CAMK1D: variants seen among roughly 807,000 people sequenced by gnomAD.
CAMK1D encodes calcium/calmodulin dependent protein kinase ID.
Under a neutral mutation model 47.7 loss-of-function variants are expected in CAMK1D, and 9 were observed. That is an observed-to-expected ratio of 0.19 (90% CI 0.11 to 0.33). The LOEUF (loss-of-function observed/expected upper bound fraction) is 0.33. Ranked by LOEUF, CAMK1D falls within the 10% of genes least tolerant of loss-of-function variation. The pLI is 1.00. For missense variants in CAMK1D, 291 were observed against 488.7 expected (o/e 0.60, Z 3.81); for synonymous variants, 184 against 184.9 (o/e 0.99, Z 0.04).
rs1837051491 is a variant in CAMK1D at position 12,564,159 on chromosome 10, C to CTCTCTCTCTCTCTCTCTCTCTCTGTCTG, written c.224+10825_224+10826insTGTCTGTCTCTCTCTCTCTCTCTCTCTC. ...TCTCTCTCTCTCTGTCTCTCTCTCTCTCTCTCTCTCTCTCTCTCTCTCATA... is the reference window on the plus strand; with the variant it reads ...TCTCTCTCTCTCTGTCTCTCTCTCTCTCTCTCTCTCTCTCTCTCTCTCTGTCTGTCTCTCTCTCTCTCTCTCTCTCATA... On this transcript the variant is annotated intron_variant, in intron 2 of 10. Transcript: ENST00000619168. Among the ~76,000 whole-genome samples, 5 of 106,828 alleles carry CTCTCTCTCTCTCTCTCTCTCTCTGTCTG rather than the reference C, an allele frequency of 4.7e-5. No individual in the cohort carries two copies. In the East Asian group the frequency reaches 7.7e-4, roughly 16 times the overall value. 70.1% of individuals were successfully genotyped at this position (106,828 alleles called of 152,430 possible). A position where few individuals can be genotyped will look rare whatever the true frequency, so the allele number is the denominator to read the frequency against.
chr10:12,463,772 C>T (rs1395389693), intron 1 of CAMK1D, among the ~76,000 whole-genome samples: 1 of 152,046 alleles, frequency 6.6e-6, no homozygotes, highest in Non-Finnish European at 1.5e-5. Flanking sequence ...TATAAATCCC[C>T]ATAATCCGCA....
chr10:12,624,536 A>G (rs944040341), intron 2 of CAMK1D, among the ~76,000 whole-genome samples: 2 of 152,112 alleles, frequency 1.3e-5, no homozygotes, highest in Non-Finnish European at 1.5e-5. Context: ...CACTCAGATG[A>G]TGTCTTCAAG....
chr10:12,405,287 C>T (rs1839379874), intron 1 of CAMK1D, among the ~76,000 whole-genome samples: 1 of 152,132 alleles, frequency 6.6e-6, no homozygotes, highest in African/African-American at 2.4e-5. Context: ...GTTCCATGCC[C>T]ATGGTCAGAG....
chr10:12,602,769 G>A (rs1443743876), intron 2 of CAMK1D, among the ~76,000 whole-genome samples: 4 of 151,994 alleles, frequency 2.6e-5, no homozygotes, highest in African/African-American at 4.8e-5. Context: ...CATGGAGGCC[G>A]CTCTGCCTAC....
At chr10:12,515,185 T>A (rs1175600871) in intron 1 of CAMK1D, among the ~76,000 whole-genome samples, 1 of 151,980 alleles carries the variant, frequency 6.6e-6, no homozygotes, top group East Asian at 1.9e-4. Flanking sequence ...TAAAAAAAGT[T>A]TTTAAATTTA....
chr10:12,734,355 T>G (rs576579262), intron 3 of CAMK1D, among the ~76,000 whole-genome samples: 1 of 4,440 alleles, frequency 2.3e-4, no homozygotes, highest in African/African-American at 4.4e-4. Flanking sequence ...AATATATATA[T>G]ATATATATAT....
intron 1 of CAMK1D, among the ~76,000 whole-genome samples, chr10:12,489,557 C>T (rs1454517234): frequency 6.6e-6 from 1 of 152,158 alleles, no homozygotes; most frequent in Non-Finnish European, 1.5e-5. Flanking sequence ...ACAACAGGCT[C>T]TTGGGGTGGC....
At chr10:12,828,355 C>T (rs1236242275) in intron 10 of CAMK1D, among the ~76,000 whole-genome samples, 2 of 134,996 alleles carry the variant, frequency 1.5e-5, no homozygotes, top group Admixed American at 7.2e-5. Context: ...TTTGGGTCCC[C>T]GCAAGTTGGG....
chr10:12,708,897 A>G (rs1351848610), intron 3 of CAMK1D, among the ~76,000 whole-genome samples: 1 of 152,040 alleles, frequency 6.6e-6, no homozygotes, highest in African/African-American at 2.4e-5. Context: ...TGAGAGGCCG[A>G]GGCAGGAGGA....
At position 12,765,671 on chromosome 10, in the gene CAMK1D, A is replaced by T. The variant is rs76239630; in HGVS notation, c.439-4002A>T. 1.0e-3 allele frequency among the ~76,000 whole-genome samples: 155 copies of T among 152,334 alleles called. 2 individuals carry two copies. The highest frequency in any genetic ancestry group is 1.0e-3 in the Non-Finnish European group (69 of 68,024). ...AGATTCATTGTCTCACGCCAAGGAA[A>T]TCAAGGATGCAGACACACAAGGAGT... On this transcript the variant is annotated intron_variant, in intron 4 of 10. Coordinates refer to ENST00000619168, the MANE Select transcript of CAMK1D (RefSeq NM_153498.4).
chr10:12,551,692 C>T (rs1836587445), intron 1 of CAMK1D, among the ~76,000 whole-genome samples: 1 of 151,332 alleles, frequency 6.6e-6, no homozygotes, highest in South Asian at 2.1e-4. Context: ...GAGCCGAGAT[C>T]ACACCAGTGC....
chr10:12,575,054 C>T (rs1259513256), intron 2 of CAMK1D, among the ~76,000 whole-genome samples: 1 of 152,070 alleles, frequency 6.6e-6, no homozygotes, highest in East Asian at 1.9e-4. Flanking sequence ...GGTGAGGACA[C>T]GGATCCAACC....
intron 4 of CAMK1D, among the ~76,000 whole-genome samples, chr10:12,761,959 T>A (rs144317925): frequency 2.6e-4 from 40 of 152,364 alleles, no homozygotes; most frequent in African/African-American, 9.4e-4. Context: ...TTTGGTATAT[T>A]GACCCTTTCC....
intron 2 of CAMK1D, among the ~76,000 whole-genome samples, chr10:12,638,252 C>G (rs533051010): frequency 2.6e-4 from 39 of 152,330 alleles, no homozygotes; most frequent in South Asian, 1.5e-3. Context: ...GCCTGGCCCT[C>G]CCAGGTCTCT....
Position 12,615,445 on chromosome 10 carries a change from CAT to C in CAMK1D, c.225-51290_225-51289del, listed in dbSNP as rs995948578. Among the ~76,000 whole-genome samples, 161 of 151,442 alleles carry C rather than the reference CAT, an allele frequency of 1.1e-3. 2 individuals carry two copies. Among genetic ancestry groups the C allele is most frequent in the African/African-American group, 3.6e-3 (149 of 41,242 alleles). On this transcript the variant is annotated intron_variant, in intron 2 of 10. Transcript: ENST00000619168. ...GGGAGTCTGAGTGTGTGAGTGTGTG[CAT>C]GTGTGTGTGTAGGTGTGAGTGTGTG...
intron 1 of CAMK1D, among the ~76,000 whole-genome samples, chr10:12,361,947 C>A (rs571388371): frequency 4.7e-4 from 72 of 152,258 alleles, no homozygotes; most frequent in African/African-American, 1.6e-3. Context: ...GGTTCCGTCT[C>A]CTGGCTTTGG....
At chr10:12,630,403 A>T (rs1383724047) in intron 2 of CAMK1D, among the ~76,000 whole-genome samples, 1 of 143,508 alleles carries the variant, frequency 7.0e-6, no homozygotes, top group Non-Finnish European at 1.5e-5. Flanking sequence ...AAAAGACAGG[A>T]TCTCACTCAG....
At chr10:12,725,692 G>T (rs1419012894) in intron 3 of CAMK1D, among the ~76,000 whole-genome samples, 1 of 152,184 alleles carries the variant, frequency 6.6e-6, no homozygotes, top group East Asian at 1.9e-4. Context: ...TGTGGGAGAA[G>T]GAATGCACGG....
chr10:12,469,443 G>T (rs1008638002), intron 1 of CAMK1D, among the ~76,000 whole-genome samples: 1 of 151,904 alleles, frequency 6.6e-6, no homozygotes, highest in Non-Finnish European at 1.5e-5. Context: ...TATATTTACG[G>T]CTTCCACTGG....
Sources: allele counts gnomAD v4.1 joint callset (sites outside exome capture counted in the v4.1 genomes callset), GRCh38; gene constraint gnomAD v4.1.1; transcripts MANE v1.5; gene names NCBI Gene and HGNC (gene_info 2026-07-23, HGNC 2026-07-21).